The following LMAN2L variants were observed in gnomAD, a reference collection of about 807,000 sequenced individuals.
LMAN2L encodes lectin, mannose binding 2 like.
In LMAN2L, 30 loss-of-function variants were observed where a neutral mutation model predicts 44.3. The observed-to-expected ratio is 0.68, with a 90% CI of 0.51 to 0.92. The LOEUF (loss-of-function observed/expected upper bound fraction) is 0.92. Ranked by LOEUF, LMAN2L falls within the 40% of genes least tolerant of loss-of-function variation. The pLI is 0.00. For missense variants in LMAN2L, 429 were observed against 446.1 expected (o/e 0.96, Z 0.35); for synonymous variants, 183 against 171.1 (o/e 1.07, Z -0.54).
intron 4 of LMAN2L, among the ~76,000 whole-genome samples, chr2:96,721,713 C>G (rs759238490): frequency 6.6e-6 from 1 of 152,078 alleles, no homozygotes; most frequent in Non-Finnish European, 1.5e-5. Flanking sequence ...CTCCTAGACT[C>G]AAGCAATCCT....
chr2:96,739,459 G>A (rs1457837774), intron 1 of LMAN2L, among the ~76,000 whole-genome samples: 4 of 152,114 alleles, frequency 2.6e-5, no homozygotes, highest in African/African-American at 7.2e-5. Context: ...TTCTCATTTC[G>A]TTCAAGTTCT....
chr2:96,707,474 C>G, intron 7 of LMAN2L, 76 bp from the exon 8 acceptor site: 1 of 1,476,790 alleles, frequency 6.8e-7, no homozygotes, highest in Non-Finnish European at 9.1e-7. Context: ...ATAGGCTGTC[C>G]GGCCCCCAGT....
At chr2:96,711,542 C>A (rs2077916038) in intron 6 of LMAN2L, 114 bp downstream of exon 6, 1 of 674,518 alleles carries the variant, frequency 1.5e-6, no homozygotes, top group East Asian at 2.7e-5. Flanking sequence ...AGTCTTGAGG[C>A]ACCTCCTTCC....
chr2:96,736,718 CAGAT>C, intron 2 of LMAN2L, among the ~76,000 whole-genome samples: 1 of 152,194 alleles, frequency 6.6e-6, no homozygotes. Flanking sequence ...GCTCATTTAT[CAGAT>C]AGAGAAACAG....
At chr2:96,725,053 G>A (rs950010199) in intron 4 of LMAN2L, among the ~76,000 whole-genome samples, 85 of 151,856 alleles carry the variant, frequency 5.6e-4, no homozygotes, top group Admixed American at 4.6e-4. Flanking sequence ...GGATGGTCTC[G>A]ATCTCCTGAC....
In LMAN2L at chr2:96,720,812, A is replaced by AAC. The variant is rs1214875331; in HGVS notation, c.508-8788_508-8787insGT. Among the ~76,000 whole-genome samples, 375 of 152,094 alleles carry AAC rather than the reference A, an allele frequency of 2.5e-3. 2 individuals carry two copies. Among genetic ancestry groups the AAC allele is most frequent in the Non-Finnish European group, 4.4e-3 (296 of 67,986 alleles). ...AAATTAGCCAGGCGTGGTGGCAGGCACCTGTAATCCCAGCTACTCGGAATG... is the reference window on the plus strand; with the variant it reads ...AAATTAGCCAGGCGTGGTGGCAGGCAACCCTGTAATCCCAGCTACTCGGAATG... On this transcript the variant is annotated intron_variant, in intron 4 of 7. Coordinates refer to ENST00000264963, the MANE Select transcript of LMAN2L (RefSeq NM_030805.4).
chr2:96,712,566 A>G (rs1323268955), intron 4 of LMAN2L, among the ~76,000 whole-genome samples: 1 of 152,226 alleles, frequency 6.6e-6, no homozygotes, highest in Non-Finnish European at 1.5e-5. Context: ...CTAAAATTCT[A>G]TAAGCATATA....
Position 96,734,442 on chromosome 2 carries a change from C to T in LMAN2L, c.391G>A (p.Ala131Thr), listed in dbSNP as rs764549691. The T allele has an allele frequency of 1.2e-6, 2 of 1,613,190 alleles. No individual in the cohort carries two copies. The highest frequency in any genetic ancestry group is 2.2e-5 in the East Asian group (1 of 44,876). Reference protein sequence around the residue: ...GKKNLHGDGLAIWYTKDRMQP... With the variant: ...GKKNLHGDGLTIWYTKDRMQP... ...ATCCGATCCTTTGTGTACCAGATTG[C>T]CAAGCCATCCCCATGCAGATTCTTC... Residue 131 changes from alanine (A) to threonine (T), a missense_variant, in exon 3 of 8, where the codon GCA becomes ACA. Ala to Thr is a moderately conservative substitution (Grantham distance 58). Transcript: ENST00000264963.
chr2:96,735,871 G>C (rs891375378), intron 2 of LMAN2L, among the ~76,000 whole-genome samples: 3 of 151,292 alleles, frequency 2.0e-5, no homozygotes, highest in Admixed American at 2.0e-4. Context: ...AGAAAGGCCA[G>C]GCACAGTAGT....
intron 6 of LMAN2L, among the ~76,000 whole-genome samples, chr2:96,710,571 G>A (rs1322767041): frequency 2.6e-5 from 4 of 152,178 alleles, no homozygotes; most frequent in Non-Finnish European, 5.9e-5. Context: ...GGCTGAGGCA[G>A]GAGAATCGCT....
chr2:96,729,643 G>C lies in LMAN2L; in HGVS notation c.507+3876C>G, dbSNP rs2153332674. Among the ~76,000 whole-genome samples, 3 of 151,890 alleles carry C rather than the reference G, an allele frequency of 2.0e-5. No homozygotes were observed. The Middle Eastern group carries it at 0.01, about 517-fold the overall frequency. ...CCTGCCTCAGCCTCCCAAGTAGCTGGGACTACAGGCGCCCGCCACCACACC... is the reference window on the plus strand; with the variant it reads ...CCTGCCTCAGCCTCCCAAGTAGCTGCGACTACAGGCGCCCGCCACCACACC... On this transcript the variant is annotated intron_variant, in intron 4 of 7. Coordinates refer to ENST00000264963, the MANE Select transcript of LMAN2L (RefSeq NM_030805.4).
intron 4 of LMAN2L, among the ~76,000 whole-genome samples, chr2:96,720,996 A>G (rs1461263237): frequency 1.3e-5 from 2 of 152,124 alleles, no homozygotes; most frequent in Non-Finnish European, 2.9e-5. Context: ...CAGTCCACAC[A>G]ATTCACTTAA....
chr2:96,721,922 G>A (rs1173178627), intron 4 of LMAN2L, among the ~76,000 whole-genome samples: 3 of 152,114 alleles, frequency 2.0e-5, no homozygotes, highest in African/African-American at 7.2e-5. Context: ...GAGTTGGAGG[G>A]GGGGTGGTTT....
At chr2:96,733,051 T>C (rs1480057879) in intron 4 of LMAN2L, among the ~76,000 whole-genome samples, 1 of 152,140 alleles carries the variant, frequency 6.6e-6, no homozygotes, top group East Asian at 1.9e-4. Flanking sequence ...ACCTGGCCAA[T>C]TATAGCCTTT....
At chr2:96,710,579 G>T (rs563403724) in intron 6 of LMAN2L, among the ~76,000 whole-genome samples, 1 of 152,088 alleles carries the variant, frequency 6.6e-6, no homozygotes, top group Non-Finnish European at 1.5e-5. Flanking sequence ...CAGGAGAATC[G>T]CTTGAATACA....
At chr2:96,726,286 A>C (rs914225674) in intron 4 of LMAN2L, among the ~76,000 whole-genome samples, 10 of 151,238 alleles carry the variant, frequency 6.6e-5, no homozygotes, top group African/African-American at 1.9e-4. Context: ...ATTCCTTAGG[A>C]TTTTCCATAT....
chr2:96,722,644 C>T (rs948834782), intron 4 of LMAN2L, among the ~76,000 whole-genome samples: 5 of 152,200 alleles, frequency 3.3e-5, no homozygotes, highest in African/African-American at 1.2e-4. Context: ...TTGGGGACCC[C>T]TGCTCTAATC....
intron 1 of LMAN2L, 115 bp downstream of exon 1, chr2:96,739,739 C>A: frequency 9.2e-7 from 1 of 1,090,064 alleles, no homozygotes; most frequent in African/African-American, 1.5e-5. Flanking sequence ...TGGGCCCCAC[C>A]ACCGCCAGCA....
intron 2 of LMAN2L, among the ~76,000 whole-genome samples, 153 bp downstream of exon 2, chr2:96,737,796 A>C (rs1038164180): frequency 1.3e-5 from 2 of 152,224 alleles, no homozygotes; most frequent in Non-Finnish European, 2.9e-5. Flanking sequence ...TTTATTTATT[A>C]TCAAGGTCAG....
Sources: allele counts gnomAD v4.1 joint callset (sites outside exome capture counted in the v4.1 genomes callset), GRCh38; gene constraint gnomAD v4.1.1; transcripts MANE v1.5; gene names NCBI Gene and HGNC (gene_info 2026-07-23, HGNC 2026-07-21).